ANKAR: variants seen among roughly 807,000 people sequenced by gnomAD.
ANKAR encodes the protein ankyrin and armadillo repeat-containing protein.
A neutral mutation model predicts 146.2 loss-of-function variants in ANKAR; 136 were observed. The observed-to-expected ratio is 0.93, with a 90% CI of 0.81 to 1.07. The LOEUF (loss-of-function observed/expected upper bound fraction) is 1.07, where lower values mean the gene tolerates loss of function less well. ANKAR is among the 50% of genes least tolerant of loss of function. The pLI is 0.00. For synonymous variants in ANKAR, 500 were observed against 575.8 expected, an observed-to-expected ratio of 0.87 and a Z score of 1.88; for missense variants, 1,567 against 1,679.9, an observed-to-expected ratio of 0.93 and a Z score of 1.18.
chr2:189,762,699 G>A, downstream of ANKAR: 2 of 985,338 alleles, frequency 2.0e-6, no homozygotes, highest in Non-Finnish European at 2.4e-6. Context: ...CACTTGGGCG[G>A]CAGTAGCTAG....
rs752753344 is a variant in ANKAR, at chr2:189,719,620, T to G, written c.2273T>G (p.Leu758Arg). Residue 758 changes from leucine to arginine, a missense_variant, in exon 11 of 23, where the codon CTG becomes CGG. By Grantham distance (102) the Leu-to-Arg change is moderately radical. Coordinates refer to ENST00000684021, the MANE Select transcript of ANKAR (RefSeq NM_001378068.1). ...CTATTAAAAAGTTCCAAAATAAAAC[T>G]GCAGTGCAAAACTGTTGGGTTATTG... ...INLLKSSKIK[L>R]QCKTVGLLSN... The G allele has an allele frequency of 2.5e-6, 4 of 1,613,396 alleles. No individual in the cohort carries two copies. The highest frequency in any genetic ancestry group is 3.4e-6 in the Non-Finnish European group (4 of 1,179,552).
chr2:189,707,183 A>G, intron 9 of ANKAR, 37 bp downstream of exon 9: 2 of 1,164,458 alleles, frequency 1.7e-6, no homozygotes, highest in Non-Finnish European at 2.3e-6. Flanking sequence ...TGTTCTGATT[A>G]TTATTCAGTT....
intron 22 of ANKAR, 128 bp from the exon 23 acceptor site, chr2:189,746,252 T>C: frequency 1.8e-6 from 2 of 1,133,530 alleles, no homozygotes; most frequent in Non-Finnish European, 2.4e-6. Flanking sequence ...TCTAAATGTC[T>C]GGAAGTACTG....
At chr2:189,755,568 A>G in intron 18 of ANKAR, 1 of 1,575,646 alleles carries the variant, frequency 6.3e-7, no homozygotes, top group East Asian at 2.2e-5. Context: ...GTTCTGAAAG[A>G]AAGAAAGACA....
intron 18 of ANKAR, chr2:189,754,245 A>G: frequency 1.2e-6 from 2 of 1,613,912 alleles, no homozygotes; most frequent in Middle Eastern, 1.6e-4. Flanking sequence ...TTTGATGTCA[A>G]AATGAAATCT....
At chr2:189,693,901 A>G (rs1222820824) in intron 5 of ANKAR, among the ~76,000 whole-genome samples, 2 of 152,056 alleles carry the variant, frequency 1.3e-5, no homozygotes, top group Non-Finnish European at 2.9e-5. Flanking sequence ...GGCATGCGCC[A>G]CCATGCCTGG....
chr2:189,762,782 C>A (rs530167382), downstream of ANKAR: 1 of 985,468 alleles, frequency 1.0e-6, no homozygotes, highest in African/African-American at 1.7e-5. Context: ...AACCTGGCGC[C>A]CGGAAGTGAT....
intron 20 of ANKAR, 57 bp from the exon 21 acceptor site, chr2:189,743,218 T>C (rs1484502334): frequency 1.9e-5 from 29 of 1,522,246 alleles, no homozygotes; most frequent in African/African-American, 8.3e-5. Flanking sequence ...AATTAGAACA[T>C]TAAGATATTT....
chr2:189,689,986 A>C (rs2036148438), intron 3 of ANKAR, 22 bp downstream of exon 3: 2 of 1,428,566 alleles, frequency 1.4e-6, no homozygotes, highest in Admixed American at 2.6e-5. Context: ...ACCAAAAATC[A>C]AATATAAAAT....
chr2:189,730,963 C>T (rs993859715), intron 16 of ANKAR, among the ~76,000 whole-genome samples: 27 of 152,226 alleles, frequency 1.8e-4, no homozygotes, highest in Non-Finnish European at 2.5e-4. Flanking sequence ...AACTGGGCGG[C>T]GATAGTGGGA....
intron 9 of ANKAR, among the ~76,000 whole-genome samples, chr2:189,707,940 G>A (rs1454914075): frequency 6.6e-6 from 1 of 152,182 alleles, no homozygotes; most frequent in Non-Finnish European, 1.5e-5. Flanking sequence ...AAAGGCTTGA[G>A]AACTGACAGT....
chr2:189,712,976 T>C (rs562762665), intron 10 of ANKAR, among the ~76,000 whole-genome samples: 1 of 152,228 alleles, frequency 6.6e-6, no homozygotes, highest in African/African-American at 2.4e-5. Context: ...ATGTGAGGCA[T>C]GCAAAATCTT....
intron 2 of ANKAR, among the ~76,000 whole-genome samples, chr2:189,684,331 A>G (rs915497048): frequency 5.9e-5 from 9 of 152,046 alleles, no homozygotes; most frequent in Non-Finnish European, 1.3e-4. Flanking sequence ...TGATTCAGAT[A>G]CTGCCTACTC....
At chr2:189,733,808 T>C (rs2105861908) in intron 17 of ANKAR, among the ~76,000 whole-genome samples, 1 of 151,604 alleles carries the variant, frequency 6.6e-6, no homozygotes, top group East Asian at 1.9e-4. Context: ...GTTTTTTTTA[T>C]TTAATTTAAA....
rs559828986 is a variant in ANKAR at position 189,727,115 on chromosome 2, T to C, written c.2636-741T>C. Among the ~76,000 whole-genome samples the C allele has an allele frequency of 2.6e-5, 4 of 152,132 alleles. No individual in the cohort carries two copies. In the South Asian group the frequency reaches 6.2e-4, roughly 24 times the overall value. ...TATTTATTTTTAATGATAATACCCA[T>C]ATTGAAAAAAACACAGTGTAAGTGG... On this transcript the variant is annotated intron_variant, in intron 12 of 22. Coordinates refer to ENST00000684021, the MANE Select transcript of ANKAR (RefSeq NM_001378068.1).
Position 189,743,309 on chromosome 2 carries a change from T to A in ANKAR, c.3845T>A (p.Leu1282Ter). ...RAACSSALGY[L>*]TYNANAFRIL... ...GCTTGTTCCTCTGCTCTTGGCTACT[T>A]AACATACAATGCAAATGCTTTCCGC... The change falls in exon 21 of 23, where the codon TTA (leucine) becomes TAA (stop). Residue 1282 changes from leucine to a stop codon, truncating the protein, a stop_gained. Transcript: ENST00000684021. LOFTEE classifies it high-confidence loss of function. 1 of 1,614,042 alleles carries A rather than the reference T, an allele frequency of 6.2e-7. No homozygotes were observed. Among genetic ancestry groups the A allele is most frequent in the South Asian group, 1.1e-5 (1 of 91,066 alleles).
In ANKAR at chr2:189,695,013, T is replaced by A. The variant is rs1277912441; in HGVS notation, c.1340T>A (p.Phe447Tyr). Residue 447 changes from phenylalanine (F) to tyrosine (Y), a missense_variant, in exon 6 of 23, where the codon TTC (phenylalanine) becomes TAC (tyrosine). Physicochemically the swap from Phe to Tyr is conservative, Grantham distance 22. Coordinates refer to ENST00000684021, the MANE Select transcript of ANKAR (RefSeq NM_001378068.1). ...YYVIYFELET[F>Y]YQQLYKTQWW... ...GTGATCTATTTTGAACTAGAAACTT[T>A]CTATCAGCAACTATATAAGACACAG... 6.4e-7 allele frequency: 1 copy of A among 1,557,644 alleles called. No homozygotes were observed.
chr2:189,753,024 G>A, intron 18 of ANKAR: 1 of 1,513,962 alleles, frequency 6.6e-7, no homozygotes, highest in Non-Finnish European at 8.9e-7. Context: ...ATATGGATAT[G>A]AACCAAGCTG....
intron 22 of ANKAR, 43 bp from the exon 23 acceptor site, chr2:189,746,337 C>A: frequency 6.4e-7 from 1 of 1,553,304 alleles, no homozygotes; most frequent in Non-Finnish European, 8.7e-7. Flanking sequence ...GAGACTATAC[C>A]TAGGGCTCTC....
Sources: allele counts gnomAD v4.1 joint callset (sites outside exome capture counted in the v4.1 genomes callset), GRCh38; gene constraint gnomAD v4.1.1; transcripts MANE v1.5; gene names NCBI Gene and HGNC (gene_info 2026-07-23, HGNC 2026-07-21).